The following INPP4B variants were observed in gnomAD, a reference collection of about 807,000 sequenced individuals.
INPP4B encodes the protein inositol polyphosphate-4-phosphatase type II B.
Under a neutral mutation model 122.5 loss-of-function variants are expected in INPP4B, and 55 were observed. The observed-to-expected ratio is 0.45, with a 90% CI of 0.36 to 0.56. The LOEUF (loss-of-function observed/expected upper bound fraction) is 0.56. INPP4B is among the 20% of genes least tolerant of loss of function. The pLI is 0.00. For synonymous variants in INPP4B, 403 were observed against 388.7 expected (o/e 1.04, Z -0.43); for missense variants, 1,000 against 1,097.7 (o/e 0.91, Z 1.26).
At position 142,458,248 on chromosome 4, in the gene INPP4B, T is replaced by A. The variant is rs184623195; in HGVS notation, c.-127+4415A>T. Among the ~76,000 whole-genome samples, 513 of 152,172 alleles carry A rather than the reference T, an allele frequency of 3.4e-3. 3 individuals carry two copies. Among genetic ancestry groups the A allele is most frequent in the African/African-American group, 0.012 (499 of 41,524 alleles). On this transcript the variant is annotated intron_variant, in intron 3 of 25. Transcript: ENST00000262992. ...TAAATAAAATAGGCAGAATTATAGG[T>A]ATAGAAAAAGTCCAGTAAGTAAGCA...
chr4:142,353,193 C>T (rs1782463385), intron 7 of INPP4B, among the ~76,000 whole-genome samples: 1 of 151,972 alleles, frequency 6.6e-6, no homozygotes, highest in African/African-American at 2.4e-5. Flanking sequence ...CTTATTAAAA[C>T]GTCTACAGGT....
chr4:142,042,253 A>G (rs1487773713), intron 25 of INPP4B, among the ~76,000 whole-genome samples: 1 of 151,924 alleles, frequency 6.6e-6, no homozygotes, highest in African/African-American at 2.4e-5. Flanking sequence ...GGCATAGTAA[A>G]AATACTTCCC....
chr4:142,256,513 C>T (rs991903876), intron 11 of INPP4B, among the ~76,000 whole-genome samples: 2 of 152,008 alleles, frequency 1.3e-5, no homozygotes, highest in Non-Finnish European at 2.9e-5. Flanking sequence ...TAAAAAATGA[C>T]AAAGGGGATA....
chr4:142,186,839 G>A (rs931597848), intron 15 of INPP4B, among the ~76,000 whole-genome samples: 1 of 152,140 alleles, frequency 6.6e-6, no homozygotes, highest in African/African-American at 2.4e-5. Flanking sequence ...ACCACATTTA[G>A]TTCAAAGCTT....
intron 9 of INPP4B, among the ~76,000 whole-genome samples, chr4:142,290,581 A>G (rs1756019745): frequency 6.6e-6 from 1 of 152,146 alleles, no homozygotes; most frequent in Non-Finnish European, 1.5e-5. Context: ...CTGTTCCTCG[A>G]ATATACCAAT....
chr4:142,385,480 T>C (rs1460955054), intron 7 of INPP4B, among the ~76,000 whole-genome samples: 1 of 152,134 alleles, frequency 6.6e-6, no homozygotes, highest in Admixed American at 6.6e-5. Context: ...CTGTACCTAG[T>C]GATTAGTTAT....
intron 2 of INPP4B, among the ~76,000 whole-genome samples, chr4:142,579,574 T>C (rs1734562691): frequency 6.6e-6 from 1 of 151,902 alleles, no homozygotes; most frequent in Admixed American, 6.6e-5. Flanking sequence ...ATCTAATCAG[T>C]TGAGGAAGTG....
chr4:142,536,178 T>C (rs992600814), intron 2 of INPP4B, among the ~76,000 whole-genome samples: 9 of 152,192 alleles, frequency 5.9e-5, no homozygotes, highest in Admixed American at 3.3e-4. Context: ...TAGAAATAAA[T>C]TTCCCAATTA....
intron 2 of INPP4B, among the ~76,000 whole-genome samples, chr4:142,586,011 A>G (rs1245335615): frequency 6.6e-6 from 1 of 151,946 alleles, no homozygotes; most frequent in Non-Finnish European, 1.5e-5. Context: ...ACACTTTTCT[A>G]CAGAATCCTT....
intron 7 of INPP4B, among the ~76,000 whole-genome samples, chr4:142,342,453 C>A (rs937934179): frequency 4.0e-4 from 61 of 152,106 alleles, no homozygotes; most frequent in Admixed American, 1.6e-3. Context: ...CCTCCCCTTA[C>A]CTTTGCAAGC....
chr4:142,489,738 T>C (rs1821630621), intron 2 of INPP4B, among the ~76,000 whole-genome samples: 1 of 152,136 alleles, frequency 6.6e-6, no homozygotes, highest in Non-Finnish European at 1.5e-5. Flanking sequence ...TACCAATTTC[T>C]GAGAGTCAAT....
At chr4:142,725,609 A>T (rs1043114652) in intron 2 of INPP4B, among the ~76,000 whole-genome samples, 1 of 152,220 alleles carries the variant, frequency 6.6e-6, no homozygotes, top group Non-Finnish European at 1.5e-5. Context: ...AAATGGTATC[A>T]GAAAATTAAC....
intron 2 of INPP4B, among the ~76,000 whole-genome samples, chr4:142,519,721 A>G (rs768829393): frequency 5.6e-4 from 85 of 152,148 alleles, no homozygotes; most frequent in Non-Finnish European, 1.1e-3. Context: ...CACATAATCT[A>G]TTATTCATTC....
intron 2 of INPP4B, among the ~76,000 whole-genome samples, chr4:142,640,832 CATT>C (rs1374173134): frequency 2.0e-5 from 3 of 151,850 alleles, no homozygotes; most frequent in Non-Finnish European, 4.4e-5. Flanking sequence ...TACTCAAGCT[CATT>C]AATAATCATG....
chr4:142,381,433 C>G (rs904167736), intron 7 of INPP4B, among the ~76,000 whole-genome samples: 1 of 151,948 alleles, frequency 6.6e-6, no homozygotes, highest in Non-Finnish European at 1.5e-5. Context: ...CATTTTTGAC[C>G]TTTCTGAAAT....
intron 7 of INPP4B, among the ~76,000 whole-genome samples, chr4:142,362,720 A>G (rs1785899987): frequency 6.6e-6 from 1 of 152,010 alleles, no homozygotes; most frequent in South Asian, 2.1e-4. Context: ...TTATCCCAAG[A>G]GAATTGATGC....
At chr4:142,720,518 C>T (rs547899454) in intron 2 of INPP4B, among the ~76,000 whole-genome samples, 18 of 151,868 alleles carry the variant, frequency 1.2e-4, no homozygotes, top group Admixed American at 7.2e-4. Context: ...AACCTATGCA[C>T]ATCCTCCCAG....
chr4:142,739,722 C>A (rs1238695886), intron 1 of INPP4B, among the ~76,000 whole-genome samples: 1 of 151,824 alleles, frequency 6.6e-6, no homozygotes, highest in Non-Finnish European at 1.5e-5. Flanking sequence ...GCTCCAATAA[C>A]TCATTAGGTC....
At chr4:142,333,537 A>G (rs537760856) in intron 7 of INPP4B, among the ~76,000 whole-genome samples, 2 of 152,358 alleles carry the variant, frequency 1.3e-5, no homozygotes, top group Admixed American at 6.5e-5. Flanking sequence ...TTATGATGTT[A>G]TAGCAAAATA....
Sources: gnomAD v4.1 joint callset for allele counts (sites outside exome capture counted in the v4.1 genomes callset) on GRCh38, gnomAD v4.1.1 for gene constraint, MANE v1.5 for transcripts, NCBI Gene and HGNC (gene_info 2026-07-23, HGNC 2026-07-21) for gene names.